NBAS: variants seen among roughly 807,000 people sequenced by gnomAD.
NBAS encodes the protein NBAS subunit of NRZ tethering complex, also known as NAG/BC035112 fusion.
Under a neutral mutation model 302.5 loss-of-function variants are expected in NBAS, and 219 were observed. That is an observed-to-expected ratio of 0.72 (90% CI 0.65 to 0.81). The LOEUF (loss-of-function observed/expected upper bound fraction) is 0.81. Among genes scored for constraint, NBAS ranks in the 30% least tolerant of loss-of-function variants. The probability of loss-of-function intolerance (pLI) is 0.00; values close to 1 mark genes in which losing one functional copy is unlikely to be tolerated. For synonymous variants in NBAS, 1,118 were observed against 1,021.6 expected, an observed-to-expected ratio of 1.09 and a Z score of -1.80; for missense variants, 2,932 against 2,841.6, an observed-to-expected ratio of 1.03 and a Z score of -0.72.
chr2:14,932,898 AT>A, the NBAS span, among the ~76,000 whole-genome samples: 1 of 152,220 alleles, frequency 6.6e-6, no homozygotes. Context: ...GAAAAAAGGC[AT>A]GTTTAGTTGA....
the NBAS span, among the ~76,000 whole-genome samples, chr2:14,935,676 GTC>G: frequency 3.9e-5 from 6 of 152,118 alleles, no homozygotes; most frequent in Non-Finnish European, 8.8e-5. Flanking sequence ...AATGCATTAA[GTC>G]CCACCAGCCC....
At chr2:15,251,653 T>C (rs754032054) in intron 44 of NBAS, among the ~76,000 whole-genome samples, 2 of 152,202 alleles carry the variant, frequency 1.3e-5, no homozygotes, top group Admixed American at 6.5e-5. Context: ...GATAACCTTC[T>C]GACATCACCA....
chr2:15,387,141 C>T (rs1675339861), intron 28 of NBAS, among the ~76,000 whole-genome samples: 3 of 151,012 alleles, frequency 2.0e-5, no homozygotes, highest in South Asian at 2.1e-4. Flanking sequence ...AATCTCAGCT[C>T]ATTGCAAGCT....
chr2:14,924,821 C>G, the NBAS span, among the ~76,000 whole-genome samples: 3 of 152,150 alleles, frequency 2.0e-5, no homozygotes, highest in Non-Finnish European at 4.4e-5. Context: ...TCCCCCTACA[C>G]AATTATTTCT....
At chr2:15,408,244 G>A (rs952784646) in intron 25 of NBAS, among the ~76,000 whole-genome samples, 7 of 152,088 alleles carry the variant, frequency 4.6e-5, no homozygotes, top group Admixed American at 1.3e-4. Flanking sequence ...AAAGTAATAC[G>A]CATACTTGAC....
the NBAS span, among the ~76,000 whole-genome samples, chr2:14,895,697 G>A: frequency 1.8e-3 from 273 of 149,108 alleles, 1 homozygote; most frequent in Middle Eastern, 0.014. Flanking sequence ...CTGAGATCGC[G>A]CCACCGCACT....
the NBAS span, among the ~76,000 whole-genome samples, chr2:14,851,239 A>G: frequency 5.7e-5 from 8 of 140,422 alleles, no homozygotes; most frequent in Non-Finnish European, 7.5e-5. Context: ...AAAAAATGAT[A>G]AAGGGGATAT....
chr2:15,515,043 C>A (rs963784654), intron 9 of NBAS, among the ~76,000 whole-genome samples: 2 of 152,152 alleles, frequency 1.3e-5, no homozygotes, highest in Admixed American at 6.5e-5. Flanking sequence ...TGCTCCAGCT[C>A]TAAGAATGCA....
chr2:14,801,435 C>T, the NBAS span, among the ~76,000 whole-genome samples: 1 of 152,064 alleles, frequency 6.6e-6, no homozygotes, highest in Non-Finnish European at 1.5e-5. Flanking sequence ...GATTAATTTA[C>T]TATTAATCCC....
chr2:14,830,964 G>A, the NBAS span, among the ~76,000 whole-genome samples: 3 of 152,176 alleles, frequency 2.0e-5, no homozygotes, highest in Admixed American at 6.5e-5. Flanking sequence ...GCTGGGAAGT[G>A]AGGCTCATAA....
chr2:15,487,962 A>G (rs1390467598), intron 12 of NBAS, among the ~76,000 whole-genome samples: 1 of 152,214 alleles, frequency 6.6e-6, no homozygotes, highest in African/African-American at 2.4e-5. Flanking sequence ...AGAATATCTA[A>G]AACAAATAAA....
the NBAS span, among the ~76,000 whole-genome samples, chr2:14,858,881 C>T: frequency 6.6e-6 from 1 of 152,016 alleles, no homozygotes; most frequent in African/African-American, 2.4e-5. Flanking sequence ...CCCTCATTTA[C>T]CCCGATGTGA....
At chr2:15,299,076 A>G (rs899496697) in intron 40 of NBAS, among the ~76,000 whole-genome samples, 14 of 152,192 alleles carry the variant, frequency 9.2e-5, no homozygotes, top group African/African-American at 2.7e-4. Flanking sequence ...CTTCAGTGAC[A>G]TGACGCATGG....
chr2:14,782,157 T>C, the NBAS span, among the ~76,000 whole-genome samples: 1 of 152,078 alleles, frequency 6.6e-6, no homozygotes, highest in East Asian at 1.9e-4. Flanking sequence ...ACAAGTAAAA[T>C]CAACCTTTAC....
the NBAS span, among the ~76,000 whole-genome samples, chr2:14,876,623 A>T: frequency 6.6e-5 from 10 of 152,362 alleles, no homozygotes; most frequent in African/African-American, 2.4e-4. Context: ...TCTAATTTTC[A>T]GTCAGTGAAT....
the NBAS span, among the ~76,000 whole-genome samples, chr2:15,144,974 T>G: frequency 1.3e-5 from 2 of 152,198 alleles, no homozygotes; most frequent in Non-Finnish European, 2.9e-5. Context: ...CTAGAACTAC[T>G]AAGCTTTCCA....
At chr2:15,416,142 G>A (rs1404063328) in intron 24 of NBAS, among the ~76,000 whole-genome samples, 1 of 152,050 alleles carries the variant, frequency 6.6e-6, no homozygotes, top group African/African-American at 2.4e-5. Flanking sequence ...CAGAAAAGGA[G>A]ACCTTAGACC....
chr2:14,803,639 G>GTTTGT, the NBAS span, among the ~76,000 whole-genome samples: 1 of 151,822 alleles, frequency 6.6e-6, no homozygotes, highest in African/African-American at 2.4e-5. Flanking sequence ...TCTTTTTGTT[G>GTTTGT]TTGTTTGTTT....
At chr2:15,068,493 C>T in the NBAS span, among the ~76,000 whole-genome samples, 1 of 152,152 alleles carries the variant, frequency 6.6e-6, no homozygotes, top group East Asian at 1.9e-4. Context: ...AGCAATGAAC[C>T]CCAAACCCCA....
Sources: gnomAD v4.1 joint callset for allele counts (sites outside exome capture counted in the v4.1 genomes callset) on GRCh38, gnomAD v4.1.1 for gene constraint, MANE v1.5 for transcripts, NCBI Gene and HGNC (gene_info 2026-07-23, HGNC 2026-07-21) for gene names.